LRRC7: variants seen among roughly 807,000 people sequenced by gnomAD.
LRRC7 encodes leucine-rich repeat-containing protein 7.
Under a neutral mutation model 175.7 loss-of-function variants are expected in LRRC7, and 23 were observed. The ratio of observed to expected loss-of-function variants is 0.13; its 90% CI spans 0.09 to 0.19. The LOEUF (loss-of-function observed/expected upper bound fraction) is 0.19. Ranked by LOEUF, LRRC7 falls within the 10% of genes least tolerant of loss-of-function variation. The probability of loss-of-function intolerance (pLI) is 1.00; values close to 1 mark genes in which losing one functional copy is unlikely to be tolerated. For synonymous variants in LRRC7, 685 were observed against 680.9 expected (o/e 1.01, Z -0.09); for missense variants, 1,354 against 1,904.7 (o/e 0.71, Z 5.38).
At chr1:69,731,908 A>C (rs1029238006) in intron 2 of LRRC7, among the ~76,000 whole-genome samples, 16 of 152,182 alleles carry the variant, frequency 1.1e-4, no homozygotes, top group African/African-American at 3.6e-4. Flanking sequence ...TTCCAAGTAA[A>C]ATGTGAAAAT....
At chr1:69,910,123 A>G (rs1358632548) in intron 7 of LRRC7, among the ~76,000 whole-genome samples, 1 of 151,988 alleles carries the variant, frequency 6.6e-6, no homozygotes, top group Non-Finnish European at 1.5e-5. Context: ...CATCTCCATC[A>G]GCTCCTTTAA....
At chr1:69,718,078 G>C (rs1239349920) in intron 2 of LRRC7, among the ~76,000 whole-genome samples, 3 of 83,112 alleles carry the variant, frequency 3.6e-5, no homozygotes, top group African/African-American at 1.6e-4. Flanking sequence ...AGAAAGAGAA[G>C]AGAGAGAAAA....
intron 2 of LRRC7, among the ~76,000 whole-genome samples, chr1:69,731,106 C>T (rs1035499082): frequency 2.0e-5 from 3 of 151,886 alleles, no homozygotes; most frequent in Non-Finnish European, 4.4e-5. Flanking sequence ...TAGAGACCAT[C>T]TTATGCTAAT....
intron 26 of LRRC7, among the ~76,000 whole-genome samples, chr1:70,121,396 A>G (rs1666198993): frequency 6.6e-6 from 1 of 152,090 alleles, no homozygotes; most frequent in African/African-American, 2.4e-5. Context: ...TGATTAGTTT[A>G]TATTAGTGTT....
Position 69,655,236 on chromosome 1 carries a change from T to C in LRRC7, c.3-23145T>C, listed in dbSNP as rs1656432692. On this transcript the variant is annotated intron_variant, in intron 1 of 26. Transcript: ENST00000651989. ...GACAGTTGATAAGTTATGGGTTACA[T>C]TCAAGTAACCACCCAAAACTGTCCC... Among the ~76,000 whole-genome samples, 4 of 150,406 alleles carry C rather than the reference T, an allele frequency of 2.7e-5. No homozygotes were observed. In the South Asian group the frequency reaches 8.4e-4, roughly 32 times the overall value.
intron 7 of LRRC7, among the ~76,000 whole-genome samples, chr1:69,852,499 A>G (rs1557810777): frequency 6.6e-6 from 1 of 152,128 alleles, no homozygotes; most frequent in Non-Finnish European, 1.5e-5. Context: ...TACAATGTTC[A>G]TTGTTTATCT....
At chr1:69,977,555 G>C (rs1457467978) in intron 8 of LRRC7, among the ~76,000 whole-genome samples, 2 of 152,174 alleles carry the variant, frequency 1.3e-5, no homozygotes, top group African/African-American at 4.8e-5. Context: ...CTGTGTGGCA[G>C]TGACAATACT....
intron 21 of LRRC7, among the ~76,000 whole-genome samples, chr1:70,040,050 A>G (rs187440202): frequency 6.6e-6 from 1 of 152,322 alleles, no homozygotes; most frequent in African/African-American, 2.4e-5. Context: ...AAAGAATTCA[A>G]CTCCATTAGA....
At chr1:70,102,760 C>A (rs1471268366) in intron 25 of LRRC7, among the ~76,000 whole-genome samples, 1 of 152,148 alleles carries the variant, frequency 6.6e-6, no homozygotes, top group Non-Finnish European at 1.5e-5. Context: ...CTTCATCTAA[C>A]AATTCTATAA....
At chr1:69,819,575 C>CTGTGTGTGTGTGTG (rs1343426681) in intron 4 of LRRC7, among the ~76,000 whole-genome samples, 59 of 133,308 alleles carry the variant, frequency 4.4e-4, no homozygotes, top group African/African-American at 1.8e-3. Flanking sequence ...CTCTCTCTCT[C>CTGTGTGTGTGTGTG]TCTGTGTGTG....
chr1:69,789,779 T>A (rs900402488), intron 3 of LRRC7, among the ~76,000 whole-genome samples: 14 of 152,204 alleles, frequency 9.2e-5, no homozygotes, highest in African/African-American at 3.4e-4. Context: ...AACAGGTTGA[T>A]ACCAACATGG....
At chr1:69,856,821 T>A (rs1369744956) in intron 7 of LRRC7, among the ~76,000 whole-genome samples, 2 of 152,114 alleles carry the variant, frequency 1.3e-5, no homozygotes, top group Non-Finnish European at 2.9e-5. Context: ...AAAAGAGAAT[T>A]GTAGACCAAT....
intron 1 of LRRC7, among the ~76,000 whole-genome samples, chr1:69,611,838 C>T (rs1482574504): frequency 3.9e-5 from 6 of 152,006 alleles, no homozygotes; most frequent in Admixed American, 2.6e-4. Flanking sequence ...AACATGATGA[C>T]ACAACAAAGC....
intron 1 of LRRC7, among the ~76,000 whole-genome samples, chr1:69,663,718 T>G (rs1326445491): frequency 3.1e-5 from 4 of 129,168 alleles, no homozygotes; most frequent in Non-Finnish European, 6.6e-5. Flanking sequence ...TTTTTTTTTT[T>G]TTTTTTTTTT....
At chr1:69,717,635 C>T (rs1416930544) in intron 2 of LRRC7, among the ~76,000 whole-genome samples, 4 of 151,076 alleles carry the variant, frequency 2.6e-5, no homozygotes, top group African/African-American at 7.3e-5. Context: ...TCAGTTGGGC[C>T]AACTTCATAT....
intron 1 of LRRC7, among the ~76,000 whole-genome samples, chr1:69,673,084 T>C (rs1262142724): frequency 6.6e-6 from 1 of 152,212 alleles, no homozygotes; most frequent in Non-Finnish European, 1.5e-5. Flanking sequence ...ATATATTTTT[T>C]ATTTACAGAG....
intron 25 of LRRC7, among the ~76,000 whole-genome samples, chr1:70,100,993 T>C (rs1664764276): frequency 6.6e-6 from 1 of 152,196 alleles, no homozygotes; most frequent in African/African-American, 2.4e-5. Context: ...ACCTTTATCC[T>C]TGATATGTCA....
chr1:69,754,148 G>A (rs1034622095), intron 2 of LRRC7, among the ~76,000 whole-genome samples: 3 of 152,010 alleles, frequency 2.0e-5, no homozygotes, highest in Non-Finnish European at 2.9e-5. Flanking sequence ...TAGGTCATAG[G>A]AAAAATTTTG....
intron 26 of LRRC7, among the ~76,000 whole-genome samples, chr1:70,120,403 A>C (rs1049309379): frequency 1.3e-5 from 2 of 152,076 alleles, no homozygotes; most frequent in Admixed American, 1.3e-4. Flanking sequence ...TGGCAGATTT[A>C]CTATGGTTTA....
Sources: allele counts gnomAD v4.1 joint callset (sites outside exome capture counted in the v4.1 genomes callset), GRCh38; gene constraint gnomAD v4.1.1; transcripts MANE v1.5; gene names NCBI Gene and HGNC (gene_info 2026-07-23, HGNC 2026-07-21).